MROH1: variants seen among roughly 807,000 people sequenced by gnomAD.
MROH1 encodes the protein maestro heat like repeat family member 1, also known as maestro heat-like repeat-containing protein family member 1.
In MROH1, 117 loss-of-function variants were observed where a neutral mutation model predicts 116.5. That is an observed-to-expected ratio of 1.00 (90% confidence interval 0.86 to 1.17). The LOEUF is 1.17. MROH1 is among the 50% of genes most tolerant of loss of function. The pLI is 0.00. For missense variants in MROH1, 1,873 were observed against 1,338.5 expected, an observed-to-expected ratio of 1.40 and a Z score of -6.23; for synonymous variants, 921 against 583.9, an observed-to-expected ratio of 1.58 and a Z score of -8.32.
At chr8:144,248,808 C>T (rs1455559390) in intron 31 of MROH1, 69 bp from the exon 32 acceptor site, 14 of 745,910 alleles carry the variant, frequency 1.9e-5, no homozygotes, top group East Asian at 1.0e-4. Context: ...CCCTGAGACC[C>T]GATGCCTAAC....
chr8:144,208,467 G>A (rs1290642615), intron 12 of MROH1, among the ~76,000 whole-genome samples: 1 of 148,944 alleles, frequency 6.7e-6, no homozygotes, highest in Non-Finnish European at 1.5e-5. Context: ...TTTCCTGTGT[G>A]CCTGTCTGTA....
At chr8:144,195,218 A>AAAAAAAAAAAAAAAAAAAC (rs1829571783) in intron 10 of MROH1, among the ~76,000 whole-genome samples, 1 of 141,978 alleles carries the variant, frequency 7.0e-6, no homozygotes, top group Admixed American at 7.2e-5. Context: ...AAAAAAAAAA[A>AAAAAAAAAAAAAAAAAAAC]AGGCCGAGTG....
chr8:144,168,962 G>C (rs116491362), intron 4 of MROH1, among the ~76,000 whole-genome samples: 4,761 of 152,288 alleles, frequency 0.031, 260 homozygotes, highest in African/African-American at 0.11. Flanking sequence ...AGAGCTACAA[G>C]AGCCTCTTGG....
intron 14 of MROH1, among the ~76,000 whole-genome samples, chr8:144,230,039 T>TAAA (rs1554822267): frequency 1.3e-5 from 2 of 151,242 alleles, no homozygotes; most frequent in East Asian, 3.9e-4. Context: ...GTCTCAAAAA[T>TAAA]AATAATAATA....
At chr8:144,170,992 A>G (rs1310493711) in intron 4 of MROH1, among the ~76,000 whole-genome samples, 2 of 152,232 alleles carry the variant, frequency 1.3e-5, no homozygotes, top group African/African-American at 2.4e-5. Context: ...ACACCACGCA[A>G]CAATCAACAC....
At chr8:144,162,158 C>T (rs1401347664) in intron 2 of MROH1, among the ~76,000 whole-genome samples, 1 of 150,246 alleles carries the variant, frequency 6.7e-6, no homozygotes, top group African/African-American at 2.5e-5. Context: ...GATCTCAGCT[C>T]ACTGCGACCT....
At chr8:144,235,722 G>A (rs1353199273) in intron 14 of MROH1, among the ~76,000 whole-genome samples, 4 of 152,116 alleles carry the variant, frequency 2.6e-5, no homozygotes, top group Non-Finnish European at 4.4e-5. Flanking sequence ...ATACATTGTT[G>A]TGTTCAGTTT....
intron 14 of MROH1, among the ~76,000 whole-genome samples, chr8:144,231,062 C>T (rs1415491100): frequency 1.4e-5 from 2 of 141,242 alleles, no homozygotes; most frequent in Admixed American, 7.2e-5. Context: ...CATCTTGCAC[C>T]GCCCTTAATC....
chr8:144,252,683 T>G (rs1223110539), intron 33 of MROH1: 1 of 130,022 alleles, frequency 7.7e-6, no homozygotes, highest in Non-Finnish European at 1.6e-5. Flanking sequence ...AAAAAAAAAA[T>G]TGGCCAGGCA....
At chr8:144,197,511 C>G (rs1487554065) in intron 10 of MROH1, among the ~76,000 whole-genome samples, 4 of 137,964 alleles carry the variant, frequency 2.9e-5, no homozygotes, top group African/African-American at 1.1e-4. Flanking sequence ...TCTTGGCTCA[C>G]TGCAAGCTCT....
chr8:144,189,789 GTC>G (rs1455077853), intron 7 of MROH1, among the ~76,000 whole-genome samples: 1 of 152,156 alleles, frequency 6.6e-6, no homozygotes, highest in African/African-American at 2.4e-5. Flanking sequence ...TGTGGCACAA[GTC>G]TGTCTGTGAG....
In MROH1 at chr8:144,260,787, G is replaced by A. The variant is rs1376187540; in HGVS notation, c.4491G>A (p.Ala1497=). 1.3e-5 allele frequency: 10 copies of A among 778,038 alleles called. No individual in the cohort carries two copies. Among genetic ancestry groups the A allele is most frequent in the South Asian group, 8.0e-5 (6 of 74,594 alleles). 48.2% of individuals were successfully genotyped at this position (778,038 alleles called of 1,614,324 possible). A position where few individuals can be genotyped will look rare whatever the true frequency, so the allele number is the denominator to read the frequency against. Residue 1497 remains alanine (A), a synonymous_variant, in exon 40 of 44, where the codon GCG becomes GCA. Transcript: ENST00000326134. The stretch of plus-strand genomic sequence containing the variant: ...TGGACCAGGTGGTGGGCGGGCTGGC[G>A]CCCCTGCTGCTGCACCTGCAGGACC... The part of the protein sequence containing the change: ...VFLDQVVGGL[A]PLLLHLQDPQ...
intron 12 of MROH1, among the ~76,000 whole-genome samples, chr8:144,204,007 A>G (rs1275103524): frequency 6.6e-6 from 1 of 152,206 alleles, no homozygotes; most frequent in East Asian, 1.9e-4. Flanking sequence ...AAATGCATGT[A>G]CGCAAGGAAA....
intron 13 of MROH1, 44 bp from the exon 14 acceptor site, chr8:144,223,064 G>A: frequency 1.9e-6 from 3 of 1,610,196 alleles, no homozygotes; most frequent in Non-Finnish European, 2.5e-6. Flanking sequence ...TGGCATGGCA[G>A]TCTCTGCGTC....
intron 29 of MROH1, among the ~76,000 whole-genome samples, chr8:144,246,867 C>G (rs1842005254): frequency 2.0e-5 from 3 of 152,198 alleles, no homozygotes; most frequent in Non-Finnish European, 4.4e-5. Context: ...CAGAAAGGCT[C>G]TGGAAGGCAG....
chr8:144,256,609 A>T (rs943075081), intron 35 of MROH1, among the ~76,000 whole-genome samples: 9 of 152,032 alleles, frequency 5.9e-5, no homozygotes, highest in Non-Finnish European at 1.0e-4. Context: ...CCTGCTGCGA[A>T]TCAGTGCCTC....
In MROH1 at chr8:144,195,220, G is replaced by A. The variant is rs796779962; in HGVS notation, c.948+2819G>A. Among the ~76,000 whole-genome samples the A allele has an allele frequency of 1.1e-3, 17 of 15,952 alleles. 1 individual carries two copies. In the East Asian group the frequency reaches 0.012, roughly 11 times the overall value. The allele number at this position is 15,952 out of a possible 152,430, so 10.5% of individuals were successfully genotyped here. On this transcript the variant is annotated intron_variant, in intron 10 of 43. Transcript: ENST00000326134. ...TAAAAAAAAAAAAAAAAAAAAAAAA[G>A]GCCGAGTGCCATGGCTCATGCCTGT...
At position 144,192,413 on chromosome 8, in the gene MROH1, G is replaced by A; in HGVS notation, c.948+12G>A. On this transcript the variant is annotated intron_variant, in intron 10 of 43. Transcript: ENST00000326134. ...CACTGCACTCCCAGGTAGGAGGCGG[G>A]CGTCAGGGGGCGGGTCCAGGTTCTG... is the stretch of plus-strand genomic sequence containing the variant. The A allele has an allele frequency of 6.4e-7, 1 of 1,570,166 alleles. No homozygotes were observed. Among genetic ancestry groups the A allele is most frequent in the South Asian group, 1.2e-5 (1 of 86,256 alleles).
intron 35 of MROH1, among the ~76,000 whole-genome samples, chr8:144,256,872 C>T (rs1230795057): frequency 6.6e-6 from 1 of 152,250 alleles, no homozygotes; most frequent in Non-Finnish European, 1.5e-5. Context: ...GCGCCATTTG[C>T]AGCCTGGAGC....
Sources: gnomAD v4.1 joint callset for allele counts (sites outside exome capture counted in the v4.1 genomes callset) on GRCh38, gnomAD v4.1.1 for gene constraint, MANE v1.5 for transcripts, NCBI Gene and HGNC (gene_info 2026-07-23, HGNC 2026-07-21) for gene names.